Variants in VPS54 observed in about 807,000 individuals in gnomAD.
VPS54 encodes vacuolar protein sorting-associated protein 54.
Under a neutral mutation model 121.5 loss-of-function variants are expected in VPS54, and 45 were observed. The ratio of observed to expected loss-of-function variants is 0.37; its 90% confidence interval spans 0.29 to 0.47. The LOEUF (loss-of-function observed/expected upper bound fraction) is 0.47, where lower values mean the gene tolerates loss of function less well. VPS54 is among the 20% of genes least tolerant of loss of function. VPS54 has a pLI of 0.99. For missense variants in VPS54, 1,090 were observed against 1,131.4 expected (o/e 0.96, Z 0.52); for synonymous variants, 371 against 385.8 (o/e 0.96, Z 0.45).
intron 7 of VPS54, among the ~76,000 whole-genome samples, chr2:63,958,610 G>A (rs1675608195): frequency 6.6e-6 from 1 of 152,186 alleles, no homozygotes; most frequent in Non-Finnish European, 1.5e-5. Context: ...AGCTACCCAG[G>A]AGGCTAGGGC....
At chr2:63,959,750 G>A (rs1462698284) in intron 7 of VPS54, among the ~76,000 whole-genome samples, 1 of 152,098 alleles carries the variant, frequency 6.6e-6, no homozygotes, top group Non-Finnish European at 1.5e-5. Context: ...GCCAGGCACG[G>A]TAGCTCACAC....
chr2:63,936,803 AAGAGTGACATAT>A (rs1381786053), intron 11 of VPS54, among the ~76,000 whole-genome samples: 9 of 152,314 alleles, frequency 5.9e-5, no homozygotes, highest in Admixed American at 3.3e-4. Context: ...TATTGGCATA[AAGAGTGACATAT>A]AGAATAGAGA....
chr2:63,982,516 G>C (rs529050315), intron 2 of VPS54, among the ~76,000 whole-genome samples: 1 of 152,280 alleles, frequency 6.6e-6, no homozygotes, highest in East Asian at 1.9e-4. Context: ...GGTCACAATA[G>C]TTTCATCAAC....
chr2:63,913,347 T>C, intron 17 of VPS54, 37 bp from the exon 18 acceptor site: 3 of 1,506,188 alleles, frequency 2.0e-6, no homozygotes, highest in Non-Finnish European at 1.8e-6. Flanking sequence ...CAAAATTTAC[T>C]AAAAACTGTT....
chr2:63,922,945 AAG>A (rs975548836), intron 12 of VPS54, among the ~76,000 whole-genome samples: 4 of 152,186 alleles, frequency 2.6e-5, no homozygotes, highest in African/African-American at 9.6e-5. Context: ...AAAAAAAAAA[AAG>A]AGTGAATTAA....
chr2:63,944,517 C>T (rs918762522), intron 10 of VPS54, 83 bp downstream of exon 10: 87 of 1,350,758 alleles, frequency 6.4e-5, no homozygotes, highest in Admixed American at 4.5e-4. Context: ...AATTCCTTAA[C>T]GAAATCTACT....
At chr2:63,929,417 T>A (rs1674075520) in intron 12 of VPS54, among the ~76,000 whole-genome samples, 1 of 152,144 alleles carries the variant, frequency 6.6e-6, no homozygotes, top group Admixed American at 6.5e-5. Context: ...GAATGACTAC[T>A]GGGTAAATAA....
chr2:63,898,996 T>C (rs1321878753), intron 21 of VPS54, among the ~76,000 whole-genome samples: 3 of 152,172 alleles, frequency 2.0e-5, no homozygotes, highest in Non-Finnish European at 2.9e-5. Context: ...TTGCTCTTTT[T>C]CCTAGTTTGT....
intron 1 of VPS54, among the ~76,000 whole-genome samples, chr2:64,010,269 C>T (rs1576022234): frequency 1.3e-5 from 2 of 152,250 alleles, no homozygotes; most frequent in East Asian, 3.9e-4. Context: ...AATTTTGATA[C>T]AATTTTGGAC....
chr2:63,982,480 A>G (rs1321283515), intron 2 of VPS54, among the ~76,000 whole-genome samples: 1 of 152,180 alleles, frequency 6.6e-6, no homozygotes, highest in East Asian at 1.9e-4. Context: ...TAGGGAAACT[A>G]AAGAGTTAGG....
chr2:63,925,953 T>C (rs925262263), intron 12 of VPS54, among the ~76,000 whole-genome samples: 6 of 152,196 alleles, frequency 3.9e-5, no homozygotes, highest in Admixed American at 1.3e-4. Flanking sequence ...AATTGCTACA[T>C]TTTCCCATAT....
intron 1 of VPS54, among the ~76,000 whole-genome samples, chr2:63,984,637 TAATTA>T (rs1376446685): frequency 4.6e-5 from 7 of 152,198 alleles, no homozygotes; most frequent in Admixed American, 3.9e-4. Context: ...AAATAAATAG[TAATTA>T]AATTCTTTAA....
At chr2:63,978,437 C>T (rs1676649646) in intron 3 of VPS54, among the ~76,000 whole-genome samples, 1 of 152,134 alleles carries the variant, frequency 6.6e-6, no homozygotes, top group Non-Finnish European at 1.5e-5. Flanking sequence ...TATCCTAGAA[C>T]CAGACCTGTC....
intron 10 of VPS54, 59 bp from the exon 11 acceptor site, chr2:63,942,620 T>A: frequency 7.4e-7 from 1 of 1,351,420 alleles, no homozygotes; most frequent in Non-Finnish European, 1.0e-6. Flanking sequence ...CAATATAACA[T>A]CTACAAACTG....
intron 1 of VPS54, among the ~76,000 whole-genome samples, chr2:64,016,639 C>T (rs1459051740): frequency 7.4e-4 from 109 of 148,292 alleles, no homozygotes; most frequent in African/African-American, 2.5e-3. Flanking sequence ...GATGGAGTCT[C>T]GTTCTGTCAC....
chr2:63,909,714 G>T (rs758618774), intron 20 of VPS54, among the ~76,000 whole-genome samples: 1 of 122,706 alleles, frequency 8.1e-6, no homozygotes, highest in African/African-American at 2.6e-5. Context: ...GACCTCGCCT[G>T]GCCGTTTTTG....
intron 11 of VPS54, among the ~76,000 whole-genome samples, chr2:63,938,059 G>GTGGT (rs9309357): frequency 1.1e-4 from 16 of 140,382 alleles, no homozygotes; most frequent in Non-Finnish European, 2.1e-4. Context: ...TGGTGTGTGT[G>GTGGT]GTGTGTGTGT....
At chr2:64,010,462 C>G (rs1192847394) in intron 1 of VPS54, among the ~76,000 whole-genome samples, 1 of 152,206 alleles carries the variant, frequency 6.6e-6, no homozygotes, top group African/African-American at 2.4e-5. Flanking sequence ...ATAGTAAAAA[C>G]TCTGCCCCCT....
intron 1 of VPS54, among the ~76,000 whole-genome samples, chr2:63,988,459 AG>A (rs1285401758): frequency 2.0e-5 from 3 of 152,226 alleles, no homozygotes; most frequent in African/African-American, 7.2e-5. Flanking sequence ...GCGGGAAGTC[AG>A]GGACCCCGAA....
Sources: allele counts gnomAD v4.1 joint callset (sites outside exome capture counted in the v4.1 genomes callset), GRCh38; gene constraint gnomAD v4.1.1; transcripts MANE v1.5; gene names NCBI Gene and HGNC (gene_info 2026-07-23, HGNC 2026-07-21).